The following ANK1 variants were observed in gnomAD, a reference collection of about 807,000 sequenced individuals.
ANK1 encodes the protein ankyrin-1.
A neutral mutation model predicts 210.4 loss-of-function variants in ANK1; 51 were observed. The ratio of observed to expected loss-of-function variants is 0.24; its 90% CI spans 0.19 to 0.31. The LOEUF (loss-of-function observed/expected upper bound fraction) is 0.31. Ranked by LOEUF, ANK1 falls within the 10% of genes least tolerant of loss-of-function variation. ANK1 has a pLI of 1.00. For synonymous variants in ANK1, 967 were observed against 1,025.9 expected, an observed-to-expected ratio of 0.94 and a Z score of 1.10; for missense variants, 2,051 against 2,504.4, an observed-to-expected ratio of 0.82 and a Z score of 3.86.
chr8:41,753,438 A>C (rs1382590134), intron 2 of ANK1, among the ~76,000 whole-genome samples: 2 of 151,324 alleles, frequency 1.3e-5, no homozygotes, highest in Non-Finnish European at 2.9e-5. Flanking sequence ...CCTTCCCCTC[A>C]GTCAGCAACT....
intron 1 of ANK1, among the ~76,000 whole-genome samples, chr8:41,818,141 G>A (rs1267307350): frequency 6.6e-6 from 1 of 152,214 alleles, no homozygotes; most frequent in Non-Finnish European, 1.5e-5. Flanking sequence ...TCCACGGGAG[G>A]GAAAGGGTTA....
Position 41,672,852 on chromosome 8 carries a change from G to T in ANK1, c.4598C>A (p.Ser1533Tyr). The T allele has an allele frequency of 6.2e-7, 1 of 1,611,058 alleles. No individual in the cohort carries two copies. The change falls in exon 38 of 43, where the codon TCT (serine) becomes TAT (tyrosine). Residue 1533 changes from serine to tyrosine, a missense_variant. Around this residue, in one of 6 missense-constraint regions of ANK1, gnomAD observed 496 missense variants for 533.4 expected, o/e 0.93. Coordinates refer to ENST00000289734, the MANE Select transcript of ANK1 (RefSeq NM_000037.4). ...CCAGTACTGGTCTGCACGTAGCGGAGAGGAAAGTGCACAGCCCAGGGAGGC... is the reference window on the plus strand; with the variant it reads ...CCAGTACTGGTCTGCACGTAGCGGATAGGAAAGTGCACAGCCCAGGGAGGC... Reference protein sequence around the residue: ...SPASLGCALSSPLRADQYWNE... With the variant: ...SPASLGCALSYPLRADQYWNE...
rs756538201 is a variant in ANK1, at chr8:41,708,993, G to T, written c.1801-18C>A. 6.2e-7 allele frequency: 1 copy of T among 1,613,088 alleles called. No homozygotes were observed. The highest frequency in any genetic ancestry group is 8.5e-7 in the Non-Finnish European group (1 of 1,179,996). ...TAGCCATTCTGAAACAGAAGAAGCCGCCCAGAGCCTGGTTACAGGAATGCT... is the reference window on the plus strand; with the variant it reads ...TAGCCATTCTGAAACAGAAGAAGCCTCCCAGAGCCTGGTTACAGGAATGCT... On this transcript the variant is annotated intron_variant, in intron 16 of 42. Coordinates refer to ENST00000289734, the MANE Select transcript of ANK1 (RefSeq NM_000037.4).
At chr8:41,768,163 T>C (rs995175110) in intron 1 of ANK1, among the ~76,000 whole-genome samples, 3 of 152,128 alleles carry the variant, frequency 2.0e-5, no homozygotes, top group Non-Finnish European at 4.4e-5. Context: ...TCAAAACCCA[T>C]GTTTGGGATT....
At chr8:41,832,710 G>A (rs1371236274) in intron 1 of ANK1, among the ~76,000 whole-genome samples, 2 of 152,198 alleles carry the variant, frequency 1.3e-5, no homozygotes, top group Admixed American at 6.5e-5. Flanking sequence ...AGGGTTCCCA[G>A]AGGAAATACA....
chr8:41,747,392 T>G (rs1173147597), intron 2 of ANK1, among the ~76,000 whole-genome samples: 3 of 152,152 alleles, frequency 2.0e-5, no homozygotes, highest in Non-Finnish European at 2.9e-5. Context: ...TTTGCCACAC[T>G]GTACCTTATT....
At chr8:41,882,687 T>C (rs1323402043) in intron 1 of ANK1, among the ~76,000 whole-genome samples, 1 of 152,234 alleles carries the variant, frequency 6.6e-6, no homozygotes, top group African/African-American at 2.4e-5. Context: ...AAAGCAGGCC[T>C]GTCTGACCCT....
chr8:41,882,637 C>A lies in ANK1; in HGVS notation c.126+13718G>T, dbSNP rs369860322. 2.3e-4 allele frequency among the ~76,000 whole-genome samples: 35 copies of A among 152,312 alleles called. 1 individual carries two copies. The highest frequency in any genetic ancestry group is 7.5e-4 in the African/African-American group (31 of 41,578). On this transcript the variant is annotated intron_variant, in intron 1 of 42. Coordinates refer to the ANK1 transcript ENST00000265709. ...CAGAAACGGAAGAAACTGGAACTTA[C>A]CAAAAATATCAAATTCACCACTACA...
chr8:41,776,666 A>C (rs533869950), intron 1 of ANK1, among the ~76,000 whole-genome samples: 1 of 152,316 alleles, frequency 6.6e-6, no homozygotes, highest in African/African-American at 2.4e-5. Context: ...TCCACTGGCT[A>C]AATGCTGACT....
At chr8:41,799,348 G>T (rs1849492152), upstream of ANK1, among the ~76,000 whole-genome samples, 1 of 152,156 alleles carries the variant, frequency 6.6e-6, no homozygotes, top group South Asian at 2.1e-4. Flanking sequence ...CCCCACTCAG[G>T]GGCAAGAATG....
intron 9 of ANK1, among the ~76,000 whole-genome samples, chr8:41,720,977 G>A (rs905838042): frequency 6.6e-6 from 1 of 152,180 alleles, no homozygotes; most frequent in African/African-American, 2.4e-5. Context: ...TCAGCTTTTA[G>A]AAAGTGGAAA....
intron 1 of ANK1, among the ~76,000 whole-genome samples, chr8:41,786,616 C>T (rs1411119098): frequency 2.6e-5 from 4 of 152,150 alleles, no homozygotes; most frequent in Non-Finnish European, 5.9e-5. Context: ...CCACTTTGTG[C>T]CTGAGACATT....
intron 1 of ANK1, among the ~76,000 whole-genome samples, chr8:41,760,325 G>A (rs1435353517): frequency 1.3e-5 from 2 of 152,092 alleles, no homozygotes; most frequent in Non-Finnish European, 2.9e-5. Context: ...AAGTGAATAA[G>A]TCTCATGAGA....
intron 16 of ANK1, among the ~76,000 whole-genome samples, chr8:41,711,623 C>G (rs966779896): frequency 6.6e-6 from 1 of 152,220 alleles, no homozygotes; most frequent in Non-Finnish European, 1.5e-5. Context: ...TTAGATAAAG[C>G]TTTACTCCTT....
chr8:41,661,727 T>C, intron 41 of ANK1, 149 bp downstream of exon 41: 1 of 1,601,398 alleles, frequency 6.2e-7, no homozygotes, highest in Non-Finnish European at 8.5e-7. Context: ...GAGGGAGGTG[T>C]CATGCAGACG....
chr8:41,743,321 A>C (rs1390074296), intron 2 of ANK1, among the ~76,000 whole-genome samples: 1 of 152,222 alleles, frequency 6.6e-6, no homozygotes, highest in Non-Finnish European at 1.5e-5. Flanking sequence ...GATGATGGGA[A>C]GGGAAGGAGC....
chr8:41,710,199 C>A (rs1325682559), intron 16 of ANK1, among the ~76,000 whole-genome samples: 1 of 152,170 alleles, frequency 6.6e-6, no homozygotes, highest in Non-Finnish European at 1.5e-5. Context: ...CAGGTGGGCA[C>A]CTTTGCTCAT....
intron 2 of ANK1, among the ~76,000 whole-genome samples, chr8:41,755,882 G>A (rs1398515986): frequency 6.6e-6 from 1 of 152,194 alleles, no homozygotes; most frequent in Non-Finnish European, 1.5e-5. Context: ...ATGAGAAAAG[G>A]GGCGGGGGGC....
At chr8:41,827,757 C>T (rs113242736) in intron 1 of ANK1, among the ~76,000 whole-genome samples, 5,602 of 145,092 alleles carry the variant, frequency 0.039, 255 homozygotes, top group African/African-American at 0.087. Flanking sequence ...CATACACCCA[C>T]TCACACACCC....
Sources: gnomAD v4.1 joint callset for allele counts (sites outside exome capture counted in the v4.1 genomes callset) on GRCh38, gnomAD v4.1.1 for gene constraint, gnomAD v4.1.1 regional missense constraint, MANE v1.5 for transcripts, NCBI Gene and HGNC (gene_info 2026-07-23, HGNC 2026-07-21) for gene names.